The following SNAP91 variants were observed in gnomAD, a reference collection of about 807,000 sequenced individuals.
The protein encoded by SNAP91 is synaptosome associated protein 91.
SNAP91 carries 27 observed loss-of-function variants against 100.3 expected under a neutral mutation model. The ratio of observed to expected loss-of-function variants is 0.27; its 90% CI spans 0.20 to 0.37. SNAP91 has a LOEUF of 0.37. Ranked by LOEUF, SNAP91 falls within the 10% of genes least tolerant of loss-of-function variation. The probability of loss-of-function intolerance (pLI) is 1.00; values close to 1 mark genes in which losing one functional copy is unlikely to be tolerated. For missense variants in SNAP91, 986 were observed against 1,123.7 expected (o/e 0.88, Z 1.75); for synonymous variants, 404 against 398.6 (o/e 1.01, Z -0.16).
At position 83,641,935 on chromosome 6, in the gene SNAP91, T is replaced by C. The variant is rs1179238455; in HGVS notation, c.659-733A>G. 3.9e-5 allele frequency among the ~76,000 whole-genome samples: 6 copies of C among 152,178 alleles called. No homozygotes were observed. In the East Asian group the frequency reaches 1.2e-3, roughly 29 times the overall value. ...CTACAGCTCCATTACCCTTGCAATA[T>C]GAGAGTATAATTTTTCCATACATGC... On this transcript the variant is annotated intron_variant, in intron 7 of 29. Coordinates refer to ENST00000369694, the MANE Select transcript of SNAP91 (RefSeq NM_001242792.2).
chr6:83,592,658 A>C (rs969743112), intron 20 of SNAP91, 120 bp from the exon 21 acceptor site: 2 of 802,420 alleles, frequency 2.5e-6, no homozygotes, highest in Non-Finnish European at 4.1e-6. Flanking sequence ...ACTGTAGACA[A>C]TCTTAACAGT....
Position 83,656,803 on chromosome 6 carries a change from A to G in SNAP91, c.609T>C (p.Asp203=). The G allele has an allele frequency of 6.2e-7, 1 of 1,608,402 alleles. No homozygotes were observed. The highest frequency in any genetic ancestry group is 8.5e-7 in the Non-Finnish European group (1 of 1,177,330). Residue 203 remains aspartate (D), a synonymous_variant, in exon 7 of 30, where the codon GAT becomes GAC. Transcript: ENST00000369694. ...TGTAGCAAGCAAAAAGTTTGATAAG[A>G]TCTTTGAAAAGAAGCATAAATGCTG... The part of the protein sequence containing the change: ...INAAFMLLFK[D]LIKLFACYND...
chr6:83,580,410 G>T, intron 24 of SNAP91, 40 bp downstream of exon 24: 1 of 1,500,354 alleles, frequency 6.7e-7, no homozygotes, highest in South Asian at 1.2e-5. Context: ...ATTCACATAT[G>T]CTTCAGTTAA....
intron 2 of SNAP91, among the ~76,000 whole-genome samples, chr6:83,704,536 A>G (rs561081376): frequency 6.6e-6 from 1 of 152,310 alleles, no homozygotes; most frequent in African/African-American, 2.4e-5. Flanking sequence ...TATAAATCAT[A>G]TATCTTTAAG....
chr6:83,644,443 T>A (rs1275604238), intron 7 of SNAP91, among the ~76,000 whole-genome samples: 1 of 152,148 alleles, frequency 6.6e-6, no homozygotes, highest in African/African-American at 2.4e-5. Context: ...CTGGCACTTT[T>A]AAAGAGGGGA....
intron 8 of SNAP91, among the ~76,000 whole-genome samples, chr6:83,634,009 A>C (rs1418815934): frequency 6.6e-6 from 1 of 152,118 alleles, no homozygotes; most frequent in Non-Finnish European, 1.5e-5. Context: ...CTAAATGACG[A>C]GTTAATGGGT....
intron 2 of SNAP91, among the ~76,000 whole-genome samples, chr6:83,702,350 C>G (rs557860137): frequency 1.3e-5 from 2 of 152,150 alleles, no homozygotes; most frequent in East Asian, 3.9e-4. Context: ...AAAGAACACC[C>G]TATCCCAGCA....
intron 2 of SNAP91, among the ~76,000 whole-genome samples, chr6:83,680,416 C>T (rs573719146): frequency 1.8e-4 from 28 of 152,234 alleles, no homozygotes; most frequent in African/African-American, 6.5e-4. Context: ...CCATCGAAAA[C>T]TCACTCTCTG....
At chr6:83,565,813 C>A (rs11756243) in intron 26 of SNAP91, among the ~76,000 whole-genome samples, 26,028 of 151,866 alleles carry the variant, frequency 0.17, 2,381 homozygotes, top group South Asian at 0.25. Context: ...TGAAAAATAA[C>A]AATTGTTGGG....
chr6:83,645,165 G>A (rs572704861), intron 7 of SNAP91, among the ~76,000 whole-genome samples: 1 of 152,024 alleles, frequency 6.6e-6, no homozygotes, highest in African/African-American at 2.4e-5. Flanking sequence ...CTTGAACACT[G>A]CTTAAAGTAC....
intron 26 of SNAP91, among the ~76,000 whole-genome samples, chr6:83,568,819 A>G (rs1409322984): frequency 6.6e-6 from 1 of 152,174 alleles, no homozygotes; most frequent in Non-Finnish European, 1.5e-5. Context: ...CCTTCTCAAT[A>G]GCAAAGACCT....
chr6:83,692,900 C>T, intron 2 of SNAP91, among the ~76,000 whole-genome samples: 1 of 152,110 alleles, frequency 6.6e-6, no homozygotes, highest in African/African-American at 2.4e-5. Flanking sequence ...GATCTCACCC[C>T]ATTTTTCCTT....
chr6:83,574,885 T>G, intron 26 of SNAP91, 125 bp downstream of exon 26: 1 of 601,676 alleles, frequency 1.7e-6, no homozygotes. Flanking sequence ...GCTACTTGCT[T>G]ATATTTCTTC....
intron 2 of SNAP91, among the ~76,000 whole-genome samples, chr6:83,673,188 T>TTTGTGG (rs1422462352): frequency 6.6e-6 from 1 of 152,176 alleles, no homozygotes; most frequent in Non-Finnish European, 1.5e-5. Flanking sequence ...CTTTCTGTTA[T>TTTGTGG]GGACTGAATA....
At chr6:83,657,092 TTA>T (rs199659960) in intron 6 of SNAP91, among the ~76,000 whole-genome samples, 8 of 152,082 alleles carry the variant, frequency 5.3e-5, no homozygotes, top group Middle Eastern at 3.2e-3. Context: ...GATATATGCA[TTA>T]TATATATATG....
chr6:83,665,520 A>G lies in SNAP91; in HGVS notation c.192T>C (p.Phe64=), dbSNP rs376655455. Residue 64 remains phenylalanine (F), a synonymous_variant, in exon 3 of 30, where the codon TTT becomes TTC. Coordinates refer to ENST00000369694, the MANE Select transcript of SNAP91 (RefSeq NM_001242792.2). ...VNIPQMADTL[F]ERATNSSWVV... ...CCCAGCTACTGTTTGTTGCCCGCTC[A>G]AAGAGAGTGTCGGCCATCTGAGGAA... 6.2e-7 allele frequency: 1 copy of G among 1,613,038 alleles called. No homozygotes were observed. Among genetic ancestry groups the G allele is most frequent in the Non-Finnish European group, 8.5e-7 (1 of 1,179,290 alleles).
Position 83,679,040 on chromosome 6 carries a change from C to A in SNAP91, c.131-13459G>T, listed in dbSNP as rs77910714. ...AGATGGAAAATATTTGAAAAGAAAA[C>A]CACCACACACACACACAAAATACAA... is the stretch of plus-strand genomic sequence containing the variant. On this transcript the variant is annotated intron_variant, in intron 2 of 29. Coordinates refer to ENST00000369694, the MANE Select transcript of SNAP91 (RefSeq NM_001242792.2). The A allele has an allele frequency of 5.0e-3, 1,495 of 298,540 alleles. 26 individuals are homozygous for A. Among genetic ancestry groups the A allele is most frequent in the African/African-American group, 0.032 (1,379 of 43,240 alleles). The allele number at this position is 298,540 out of a possible 1,614,324, so 18.5% of individuals were successfully genotyped here.
chr6:83,689,554 G>A (rs190608911), intron 2 of SNAP91: 1 of 152,014 alleles, frequency 6.6e-6, no homozygotes, highest in Non-Finnish European at 1.5e-5. Context: ...CACTAAAAAT[G>A]AAAACCTCCA....
At chr6:83,623,389 T>A (rs781387387) in intron 8 of SNAP91, 47 bp from the exon 9 acceptor site, 1 of 1,404,254 alleles carries the variant, frequency 7.1e-7, no homozygotes, top group Non-Finnish European at 9.9e-7. Context: ...TAAAATTAAT[T>A]TTTTTCATTT....
Sources: allele counts gnomAD v4.1 joint callset (sites outside exome capture counted in the v4.1 genomes callset), GRCh38; gene constraint gnomAD v4.1.1; transcripts MANE v1.5; gene names NCBI Gene and HGNC (gene_info 2026-07-23, HGNC 2026-07-21).